FCAR: variants seen among roughly 807,000 people sequenced by gnomAD.
FCAR encodes the protein Fc alpha receptor, also known as immunoglobulin alpha Fc receptor.
FCAR carries 21 observed loss-of-function variants against 27.1 expected under a neutral mutation model. The ratio of observed to expected loss-of-function variants is 0.77; its 90% CI spans 0.55 to 1.11. The LOEUF (loss-of-function observed/expected upper bound fraction) is 1.11. Among genes scored for constraint, FCAR ranks in the 50% most tolerant of loss-of-function variants. FCAR has a pLI of 0.00. For missense variants in FCAR, 404 were observed against 358.4 expected (o/e 1.13, Z -1.03); for synonymous variants, 134 against 135.8 (o/e 0.99, Z 0.09).
chr19:54,881,643 C>T (rs1390627172), intron 2 of FCAR, among the ~76,000 whole-genome samples: 1 of 151,906 alleles, frequency 6.6e-6, no homozygotes, highest in African/African-American at 2.4e-5. Flanking sequence ...GAGGCCGAGG[C>T]GGGCGGATCA....
rs780713417 is a variant in FCAR, at chr19:54,883,286, A to AT, written c.71-1945dup. ...CCTGCCTTGGCCCCCTAACTCTTGT[A>AT]TTTTGACAAAGTCGGCAGTAGTGCT... is the stretch of plus-strand genomic sequence containing the variant. On this transcript the variant is annotated intron_variant, in intron 2 of 4. Coordinates refer to ENST00000355524, the MANE Select transcript of FCAR (RefSeq NM_002000.4). Among the ~76,000 whole-genome samples the AT allele has an allele frequency of 1.0e-4, 15 of 149,788 alleles. No individual in the cohort carries two copies. The South Asian group carries it at 3.2e-3, about 31-fold the overall frequency.
At chr19:54,888,882 C>A in intron 4 of FCAR, 4 of 985,664 alleles carry the variant, frequency 4.1e-6, no homozygotes, top group Non-Finnish European at 4.8e-6. Context: ...AGTGAATTCA[C>A]CAAGTGAGGA....
At chr19:54,881,102 C>A (rs1310940671) in intron 2 of FCAR, among the ~76,000 whole-genome samples, 1 of 152,160 alleles carries the variant, frequency 6.6e-6, no homozygotes, top group African/African-American at 2.4e-5. Context: ...ACCTTAGCAG[C>A]GGTTGTGGCA....
At chr19:54,882,468 C>G (rs1267086181) in intron 2 of FCAR, among the ~76,000 whole-genome samples, 1 of 148,858 alleles carries the variant, frequency 6.7e-6, no homozygotes, top group Admixed American at 6.7e-5. Flanking sequence ...CAGAGTCTTA[C>G]TCTGTCGCCC....
intron 2 of FCAR, among the ~76,000 whole-genome samples, chr19:54,884,504 C>T (rs956844558): frequency 6.6e-5 from 10 of 152,052 alleles, no homozygotes; most frequent in Non-Finnish European, 8.8e-5. Flanking sequence ...TGGTGGTGGG[C>T]ACCTGTAATC....
intron 4 of FCAR, chr19:54,888,510 G>A: frequency 7.1e-7 from 1 of 1,401,166 alleles, no homozygotes; most frequent in Non-Finnish European, 9.3e-7. Context: ...TTAGTCTGTG[G>A]AGAACAGAAG....
At position 54,888,083 on chromosome 19, in the gene FCAR, C is replaced by A; in HGVS notation, c.438C>A (p.Cys146Ter). ...LMPGENISLT[C>*]SSAHIPFDRF... ...CAGGAGAGAATATTTCCCTCACGTGCAGCTCAGCACACATCCCATTTGATA... is the reference window on the plus strand; with the variant it reads ...CAGGAGAGAATATTTCCCTCACGTGAAGCTCAGCACACATCCCATTTGATA... The change falls in exon 4 of 5, where the codon TGC becomes TGA. Residue 146 changes from cysteine to a stop codon, truncating the protein, a stop_gained. Coordinates refer to ENST00000355524, the MANE Select transcript of FCAR (RefSeq NM_002000.4). LOFTEE classifies it high-confidence loss of function. The A allele has an allele frequency of 1.2e-6, 2 of 1,613,920 alleles. No homozygotes were observed. Among genetic ancestry groups the A allele is most frequent in the Non-Finnish European group, 8.5e-7 (1 of 1,179,780 alleles).
intron 2 of FCAR, among the ~76,000 whole-genome samples, chr19:54,878,244 T>C (rs2066210278): frequency 6.6e-6 from 1 of 152,180 alleles, no homozygotes; most frequent in South Asian, 2.1e-4. Context: ...TGTCTGATTG[T>C]ATGATTGACT....
At chr19:54,886,376 G>A (rs1382146940) in intron 3 of FCAR, among the ~76,000 whole-genome samples, 1 of 130,528 alleles carries the variant, frequency 7.7e-6, no homozygotes, top group East Asian at 2.3e-4. Context: ...GCACAATCTC[G>A]GCTCACTGCA....
intron 2 of FCAR, among the ~76,000 whole-genome samples, chr19:54,876,950 C>G (rs1006512805): frequency 6.6e-6 from 1 of 152,116 alleles, no homozygotes; most frequent in Non-Finnish European, 1.5e-5. Flanking sequence ...AGAAATAAAG[C>G]CTACCTGATG....
At chr19:54,876,984 G>A (rs1229742748) in intron 2 of FCAR, among the ~76,000 whole-genome samples, 1 of 152,144 alleles carries the variant, frequency 6.6e-6, no homozygotes, top group African/African-American at 2.4e-5. Context: ...TTTCTGATGT[G>A]CTGCTGGATA....
chr19:54,888,053 G>A lies in FCAR; in HGVS notation c.408G>A (p.Leu136=), dbSNP rs750895561. Residue 136 remains leucine, a synonymous_variant, in exon 4 of 5, where the codon TTG becomes TTA. Transcript: ENST00000355524. ...PFLSADRGLV[L]MPGENISLTC... ...TCTCTGCAGATCGGGGTCTGGTGTT[G>A]ATGCCAGGAGAGAATATTTCCCTCA... The A allele has an allele frequency of 1.9e-6, 3 of 1,614,112 alleles. No individual in the cohort carries two copies. Among genetic ancestry groups the A allele is most frequent in the Middle Eastern group, 1.6e-4 (1 of 6,062 alleles).
rs146580216 is a variant in FCAR at position 54,875,349 on chromosome 19, G to A, written c.54G>A (p.Arg18=). The change falls in exon 2 of 5, where the codon AGG becomes AGA. Residue 18 remains arginine (R), a synonymous_variant. Coordinates refer to ENST00000355524, the MANE Select transcript of FCAR (RefSeq NM_002000.4). The part of the protein sequence containing the change: ...LLCLVLCLGQ[R]IQAQEGDFPM... The stretch of plus-strand genomic sequence containing the variant: ...TTCCAGTGCTCTGTCTGGGCCAGAG[G>A]ATTCAGGCACAGGAAGGTAAGTGTC... The A allele has an allele frequency of 6.2e-6, 10 of 1,613,736 alleles. No homozygotes were observed. Among genetic ancestry groups the A allele is most frequent in the Non-Finnish European group, 5.9e-6 (7 of 1,179,876 alleles).
chr19:54,886,297 C>CTTTTTTTTTTTTTTTTTTTTTTTTTTTTT lies in FCAR; in HGVS notation c.361+775_361+776insTTTTTTTTTTTTTTTTTTTTTTTTTTTTT, dbSNP rs2066718728. Among the ~76,000 whole-genome samples, 2 of 80,088 alleles carry CTTTTTTTTTTTTTTTTTTTTTTTTTTTTT rather than the reference C, an allele frequency of 2.5e-5. 1 individual carries two copies. 52.5% of individuals were successfully genotyped at this position (80,088 alleles called of 152,430 possible). On this transcript the variant is annotated intron_variant, in intron 3 of 4. Transcript: ENST00000355524. ...CACATTGCATTCAGGTGTCATGTATCTTTATTTTTTTTTTTTTTTTTTTTT... is the reference window on the plus strand; with the variant it reads ...CACATTGCATTCAGGTGTCATGTATCTTTTTTTTTTTTTTTTTTTTTTTTTTTTTTTTATTTTTTTTTTTTTTTTTTTTT...
chr19:54,874,550 G>A (rs1569529906), intron 1 of FCAR, among the ~76,000 whole-genome samples: 1 of 152,068 alleles, frequency 6.6e-6, no homozygotes, highest in Non-Finnish European at 1.5e-5. Context: ...CCTATAGTGT[G>A]TTATCTGGGA....
intron 2 of FCAR, 120 bp downstream of exon 2, chr19:54,875,485 G>T: frequency 1.2e-6 from 1 of 830,548 alleles, no homozygotes; most frequent in Non-Finnish European, 2.0e-6. Context: ...AGTTGTTTCT[G>T]CTGTGCTTCT....
intron 2 of FCAR, among the ~76,000 whole-genome samples, chr19:54,881,216 A>AG (rs1399564717): frequency 3.9e-5 from 6 of 152,148 alleles, no homozygotes; most frequent in Non-Finnish European, 7.3e-5. Context: ...GGTCCAAGCT[A>AG]GGGGCCCTGC....
chr19:54,879,931 C>G (rs967938661), intron 2 of FCAR, among the ~76,000 whole-genome samples: 2 of 152,176 alleles, frequency 1.3e-5, no homozygotes, highest in Admixed American at 6.6e-5. Context: ...GTGATCCGCC[C>G]GCCTTGGTCT....
At chr19:54,880,201 A>G (rs954675916) in intron 2 of FCAR, among the ~76,000 whole-genome samples, 2 of 152,076 alleles carry the variant, frequency 1.3e-5, no homozygotes, top group South Asian at 2.1e-4. Flanking sequence ...CCAATGGGCT[A>G]TTTGGTCTCT....
Sources: allele counts gnomAD v4.1 joint callset (sites outside exome capture counted in the v4.1 genomes callset), GRCh38; gene constraint gnomAD v4.1.1; transcripts MANE v1.5; gene names NCBI Gene and HGNC (gene_info 2026-07-23, HGNC 2026-07-21).